SVEP1: variants seen among roughly 807,000 people sequenced by gnomAD.
SVEP1 encodes the protein sushi, von Willebrand factor type A, EGF and pentraxin domain containing 1.
Under a neutral mutation model 367.3 loss-of-function variants are expected in SVEP1, and 164 were observed. The observed-to-expected ratio is 0.45, with a 90% CI of 0.39 to 0.51. SVEP1 has a LOEUF of 0.51. Among genes scored for constraint, SVEP1 ranks in the 20% least tolerant of loss-of-function variants. The pLI, the probability that SVEP1 is intolerant of heterozygous loss-of-function variation, is 0.00. For missense variants in SVEP1, 4,117 were observed against 4,425.3 expected (o/e 0.93, Z 1.98); for synonymous variants, 1,666 against 1,611.6 (o/e 1.03, Z -0.81).
intron 41 of SVEP1, 132 bp downstream of exon 41, chr9:110,389,392 A>G (rs1827588194): frequency 2.0e-6 from 2 of 1,004,090 alleles, no homozygotes; most frequent in South Asian, 1.9e-5. Flanking sequence ...AGCCCATTAA[A>G]AGGTTCTCAT....
chr9:110,458,041 C>A, intron 20 of SVEP1: 1 of 441,948 alleles, frequency 2.3e-6, no homozygotes, highest in South Asian at 1.7e-5. Context: ...TTTTTAAGGA[C>A]TCATACTTTT....
intron 9 of SVEP1, among the ~76,000 whole-genome samples, chr9:110,487,420 A>G (rs1009122403): frequency 2.6e-5 from 4 of 152,226 alleles, no homozygotes; most frequent in African/African-American, 2.4e-5. Flanking sequence ...TGAGAATCCA[A>G]CATATTTTTC....
intron 41 of SVEP1, among the ~76,000 whole-genome samples, chr9:110,388,485 C>A (rs543452201): frequency 6.6e-6 from 1 of 152,102 alleles, no homozygotes; most frequent in East Asian, 1.9e-4. Context: ...CCAAATGAGT[C>A]CAAATCTTTA....
chr9:110,455,849 T>C, intron 21 of SVEP1, 146 bp from the exon 22 acceptor site: 1 of 506,526 alleles, frequency 2.0e-6, no homozygotes, highest in East Asian at 3.1e-5. Context: ...TGCTACCATC[T>C]ATTAAGTATT....
At chr9:110,483,804 G>T in intron 9 of SVEP1, 111 bp from the exon 10 acceptor site, 1 of 655,770 alleles carries the variant, frequency 1.5e-6, no homozygotes. Context: ...CCTTGAGCTT[G>T]CAAGAAACAA....
intron 35 of SVEP1, 62 bp downstream of exon 35, chr9:110,429,076 TTAAAA>T (rs1828307138): frequency 2.2e-6 from 3 of 1,342,154 alleles, no homozygotes; most frequent in South Asian, 1.7e-5. Flanking sequence ...CTCAAAAAAA[TTAAAA>T]TAAAATAGGG....
intron 35 of SVEP1, 66 bp downstream of exon 35, chr9:110,429,077 T>C (rs1200159253): frequency 1.3e-5 from 17 of 1,344,290 alleles, no homozygotes; most frequent in Non-Finnish European, 2.0e-6. Flanking sequence ...TCAAAAAAAT[T>C]AAAATAAAAT....
chr9:110,368,734 C>G (rs1328321090), intron 47 of SVEP1, among the ~76,000 whole-genome samples: 1 of 152,052 alleles, frequency 6.6e-6, no homozygotes, highest in African/African-American at 2.4e-5. Context: ...CAGCTCTGCT[C>G]TCAGGTAAAG....
At chr9:110,374,733 G>A (rs1023762847) in intron 46 of SVEP1, among the ~76,000 whole-genome samples, 2 of 152,178 alleles carry the variant, frequency 1.3e-5, no homozygotes, top group Non-Finnish European at 2.9e-5. Context: ...TGGTAAGAGT[G>A]TAAATTAGTT....
Position 110,439,692 on chromosome 9 carries a change from G to A in SVEP1, c.4640-3188C>T, listed in dbSNP as rs553102376. ...TGGGACTACAGGTGTGAGCCACTGC[G>A]CCCGGCCAATGTTGGTTATTTAAGC... is the stretch of plus-strand genomic sequence containing the variant. On this transcript the variant is annotated intron_variant, in intron 27 of 47. Transcript: ENST00000374469. Among the ~76,000 whole-genome samples the A allele has an allele frequency of 9.2e-5, 14 of 152,096 alleles. No homozygotes were observed. In the South Asian group the frequency reaches 1.5e-3, roughly 16 times the overall value.
intron 40 of SVEP1, among the ~76,000 whole-genome samples, chr9:110,396,258 T>G (rs576003649): frequency 0.019 from 2,858 of 151,874 alleles, 55 homozygotes; most frequent in African/African-American, 0.064. Context: ...ACTGGGTACA[T>G]AACGAAATGA....
chr9:110,393,454 A>C (rs1827700217), intron 40 of SVEP1, among the ~76,000 whole-genome samples: 2 of 152,226 alleles, frequency 1.3e-5, no homozygotes, highest in African/African-American at 2.4e-5. Context: ...GCGACGCAGA[A>C]GACGGGTGAT....
chr9:110,400,824 T>C, intron 40 of SVEP1, 30 bp downstream of exon 40: 1 of 1,582,758 alleles, frequency 6.3e-7, no homozygotes, highest in Non-Finnish European at 8.6e-7. Flanking sequence ...AAAAACAAAT[T>C]ATTTCTAGTT....
intron 3 of SVEP1, among the ~76,000 whole-genome samples, chr9:110,533,898 C>G (rs1297806850): frequency 6.8e-6 from 1 of 146,064 alleles, no homozygotes; most frequent in Non-Finnish European, 1.6e-5. Context: ...CTGGAAATAG[C>G]AGCAAAATAT....
At chr9:110,498,068 G>A (rs1267360340) in intron 7 of SVEP1, among the ~76,000 whole-genome samples, 2 of 152,152 alleles carry the variant, frequency 1.3e-5, no homozygotes, top group African/African-American at 2.4e-5. Flanking sequence ...TCCATATCCT[G>A]TACACATTGC....
At chr9:110,451,145 C>T in intron 23 of SVEP1, 144 bp downstream of exon 23, 1 of 654,190 alleles carries the variant, frequency 1.5e-6, no homozygotes, top group South Asian at 2.3e-5. Context: ...TGTATTTCCT[C>T]AGAAAATGAG....
intron 3 of SVEP1, among the ~76,000 whole-genome samples, chr9:110,540,580 A>G (rs1830132030): frequency 6.6e-6 from 1 of 152,162 alleles, no homozygotes; most frequent in South Asian, 2.1e-4. Flanking sequence ...TGTAACATCA[A>G]GAGAAAAGAA....
chr9:110,430,185 C>T, intron 33 of SVEP1, 89 bp downstream of exon 33: 5 of 1,374,868 alleles, frequency 3.6e-6, no homozygotes, highest in Admixed American at 2.4e-5. Flanking sequence ...ATACAAAGAA[C>T]ATTGATACAA....
chr9:110,476,342 A>G, intron 13 of SVEP1, 27 bp from the exon 14 acceptor site: 1 of 1,542,180 alleles, frequency 6.5e-7, no homozygotes, highest in South Asian at 1.1e-5. Flanking sequence ...AAGAGGATAA[A>G]GTGTAAATCA....
Sources: gnomAD v4.1 joint callset for allele counts (sites outside exome capture counted in the v4.1 genomes callset) on GRCh38, gnomAD v4.1.1 for gene constraint, MANE v1.5 for transcripts, NCBI Gene and HGNC (gene_info 2026-07-23, HGNC 2026-07-21) for gene names.